The following DNAH7 variants were observed in gnomAD, a reference collection of about 807,000 sequenced individuals.
DNAH7 encodes dynein axonemal heavy chain 7.
Under a neutral mutation model 444.6 loss-of-function variants are expected in DNAH7, and 397 were observed. The ratio of observed to expected loss-of-function variants is 0.89; its 90% CI spans 0.82 to 0.97. The LOEUF is 0.97. DNAH7 is among the 50% of genes least tolerant of loss of function. The pLI is 0.00. For missense variants in DNAH7, 4,902 were observed against 4,800.8 expected (o/e 1.02, Z -0.62); for synonymous variants, 1,636 against 1,624.4 (o/e 1.01, Z -0.17).
chr2:195,777,823 A>C lies in DNAH7; in HGVS notation c.11041T>G (p.Tyr3681Asp). The part of the protein sequence containing the change: ...SDYKFDSSGI[Y>D]FVPPSGDHKS... ...ACATCACCAGAAGGAGGAACAAAAT[A>C]GATGCCACTTGAGTCGAACTTATAG... Residue 3681 changes from tyrosine (Y) to aspartate (D), a missense_variant, in exon 59 of 65, where the codon TAT becomes GAT. Physicochemically the swap from Tyr to Asp is radical, Grantham distance 160 (BLOSUM62 -3). Transcript: ENST00000312428. 6.2e-7 allele frequency: 1 copy of C among 1,613,302 alleles called. No homozygotes were observed. Among genetic ancestry groups the C allele is most frequent in the South Asian group, 1.1e-5 (1 of 90,944 alleles).
At chr2:195,856,026 T>C in intron 44 of DNAH7, 35 bp from the exon 45 acceptor site, 1 of 1,581,764 alleles carries the variant, frequency 6.3e-7, no homozygotes, top group East Asian at 2.2e-5. Flanking sequence ...TAAATATTCA[T>C]TTAATATTCC....
chr2:195,975,199 G>T (rs116228992), intron 15 of DNAH7, among the ~76,000 whole-genome samples: 1 of 152,162 alleles, frequency 6.6e-6, no homozygotes, highest in Admixed American at 6.5e-5. Flanking sequence ...AAGAGACACC[G>T]AAGAGGGTAG....
chr2:195,824,783 G>A (rs763751773), intron 48 of DNAH7, among the ~76,000 whole-genome samples: 4 of 151,998 alleles, frequency 2.6e-5, no homozygotes, highest in Non-Finnish European at 5.9e-5. Context: ...CAGAGAAAAG[G>A]CATTTCCAGT....
chr2:195,891,235 A>C (rs1018404493), intron 31 of DNAH7, among the ~76,000 whole-genome samples: 6 of 152,218 alleles, frequency 3.9e-5, no homozygotes, highest in Non-Finnish European at 8.8e-5. Context: ...AAAGGTGTGC[A>C]ATTTCTTCTC....
rs1697293888 is a variant in DNAH7, at chr2:195,817,808, T to C, written c.9313A>G (p.Ile3105Val). Residue 3105 changes from isoleucine (I) to valine (V), a missense_variant, in exon 50 of 65, where the codon ATA becomes GTA. By Grantham distance (29) the Ile-to-Val change is conservative. Transcript: ENST00000312428. Reference protein sequence around the residue: ...SVKVTLLNFMITPEGMQDQLL... With the variant: ...SVKVTLLNFMVTPEGMQDQLL... ...TGATCTTGCATTCCCTCAGGGGTTA[T>C]CATGAAGTTTAATAATGTTACCTAT... The C allele has an allele frequency of 1.2e-6, 2 of 1,600,962 alleles. No homozygotes were observed. The highest frequency in any genetic ancestry group is 1.7e-4 in the Middle Eastern group (1 of 6,002).
intron 19 of DNAH7, among the ~76,000 whole-genome samples, chr2:195,948,009 C>T (rs905141680): frequency 2.6e-5 from 4 of 152,096 alleles, no homozygotes; most frequent in Admixed American, 1.3e-4. Flanking sequence ...GATGGTATCT[C>T]ATTGTGGTTT....
Position 195,808,475 on chromosome 2 carries a change from C to T in DNAH7, c.10083+207G>A, listed in dbSNP as rs148219680. 1.1e-3 allele frequency among the ~76,000 whole-genome samples: 169 copies of T among 152,272 alleles called. 1 individual carries two copies. The Middle Eastern group carries it at 0.024, about 21-fold the overall frequency. On this transcript the variant is annotated intron_variant, in intron 53 of 64. Coordinates refer to ENST00000312428, the MANE Select transcript of DNAH7 (RefSeq NM_018897.3). ...ATATTCTCAAGAACCACACAGCATT[C>T]TTGCATCTTAATACATTTCAAGGAG...
intron 61 of DNAH7, among the ~76,000 whole-genome samples, chr2:195,758,550 T>C (rs1266207847): frequency 1.3e-5 from 2 of 152,142 alleles, no homozygotes; most frequent in Non-Finnish European, 2.9e-5. Flanking sequence ...TTAACAACTA[T>C]CTACACAAAA....
At position 195,941,082 on chromosome 2, in the gene DNAH7, T is replaced by C. The variant is rs192369395; in HGVS notation, c.3079-4290A>G. 5.0e-3 allele frequency among the ~76,000 whole-genome samples: 767 copies of C among 152,214 alleles called. 4 individuals carry two copies. Among genetic ancestry groups the C allele is most frequent in the African/African-American group, 0.017 (701 of 41,530 alleles). ...AAAGCCACAAGCACACGTATGTTTA[T>C]TGCGGTACTATTCACAATAGCAAAG... On this transcript the variant is annotated intron_variant, in intron 19 of 64. Transcript: ENST00000312428.
At chr2:195,841,995 C>T (rs568563748) in intron 47 of DNAH7, among the ~76,000 whole-genome samples, 16 of 152,006 alleles carry the variant, frequency 1.1e-4, no homozygotes, top group East Asian at 9.6e-4. Context: ...TTGATATTTT[C>T]GTTTTTACAC....
intron 14 of DNAH7, among the ~76,000 whole-genome samples, chr2:195,985,425 G>A (rs1055754024): frequency 4.6e-5 from 7 of 151,826 alleles, no homozygotes; most frequent in African/African-American, 1.7e-4. Context: ...AATATAGAAG[G>A]GATAACTGAA....
intron 9 of DNAH7, among the ~76,000 whole-genome samples, chr2:196,017,644 G>A (rs1011352964): frequency 1.3e-5 from 2 of 152,122 alleles, no homozygotes; most frequent in Admixed American, 1.3e-4. Context: ...TATAAATTCT[G>A]TAGATTTCTA....
intron 19 of DNAH7, among the ~76,000 whole-genome samples, chr2:195,939,442 T>C (rs1004152634): frequency 2.0e-5 from 3 of 152,120 alleles, no homozygotes; most frequent in African/African-American, 7.2e-5. Flanking sequence ...GAACTGCACT[T>C]GGGCTCATAC....
chr2:195,951,499 A>T (rs551707456), intron 19 of DNAH7, among the ~76,000 whole-genome samples: 30 of 152,206 alleles, frequency 2.0e-4, no homozygotes, highest in African/African-American at 7.0e-4. Context: ...TATCCTTGTT[A>T]ATTTTCTGTC....
chr2:195,852,172 C>G (rs543375800), intron 46 of DNAH7, among the ~76,000 whole-genome samples: 9 of 152,128 alleles, frequency 5.9e-5, no homozygotes, highest in East Asian at 1.9e-4. Context: ...GCAGGAGAAT[C>G]GCGTGAACCC....
intron 5 of DNAH7, among the ~76,000 whole-genome samples, chr2:196,031,104 A>T: frequency 6.6e-6 from 1 of 152,208 alleles, no homozygotes; most frequent in East Asian, 1.9e-4. Context: ...GCATTTCCAT[A>T]CATCTTCTGA....
intron 24 of DNAH7, among the ~76,000 whole-genome samples, chr2:195,921,392 C>CA (rs1176972368): frequency 6.8e-6 from 1 of 146,748 alleles, no homozygotes; most frequent in Admixed American, 6.8e-5. Context: ...CACACACACA[C>CA]ACCATGGAAT....
chr2:195,976,747 C>CAGAGAGAGAGAGAGAG (rs60653466), intron 15 of DNAH7, among the ~76,000 whole-genome samples: 4,428 of 90,316 alleles, frequency 0.049, 458 homozygotes, highest in South Asian at 0.072. Context: ...GAGAGGCAGA[C>CAGAGAGAGAGAGAGAG]AGAGAGAGAG....
intron 54 of DNAH7, among the ~76,000 whole-genome samples, chr2:195,803,278 T>TA (rs1246094602): frequency 6.6e-6 from 1 of 152,226 alleles, no homozygotes; most frequent in Non-Finnish European, 1.5e-5. Context: ...GTTTGAATTA[T>TA]AAATGGCCTC....
Sources: gnomAD v4.1 joint callset for allele counts (sites outside exome capture counted in the v4.1 genomes callset) on GRCh38, gnomAD v4.1.1 for gene constraint, MANE v1.5 for transcripts, NCBI Gene and HGNC (gene_info 2026-07-23, HGNC 2026-07-21) for gene names.